Variants in STAT5B observed in about 807,000 individuals in gnomAD.
The protein encoded by STAT5B is transcription factor STAT5B.
In STAT5B, 21 loss-of-function variants were observed where a neutral mutation model predicts 107.8. That is an observed-to-expected ratio of 0.19 (90% confidence interval 0.14 to 0.28). The LOEUF is 0.28. Among genes scored for constraint, STAT5B ranks in the 10% least tolerant of loss-of-function variants. STAT5B has a pLI of 1.00. For synonymous variants in STAT5B, 325 were observed against 401.7 expected, an observed-to-expected ratio of 0.81 and a Z score of 2.28; for missense variants, 565 against 1,008.2, an observed-to-expected ratio of 0.56 and a Z score of 5.95.
intron 1 of STAT5B, among the ~76,000 whole-genome samples, chr17:42,255,256 T>C (rs2080533072): frequency 6.6e-6 from 1 of 152,212 alleles, no homozygotes; most frequent in Non-Finnish European, 1.5e-5. Flanking sequence ...TGAGAACAAT[T>C]TGTTTTATGA....
chr17:42,279,968 A>G (rs532208017), upstream of STAT5B, among the ~76,000 whole-genome samples: 110 of 152,260 alleles, frequency 7.2e-4, no homozygotes, highest in African/African-American at 2.6e-3. Context: ...TCAGCAAAAC[A>G]GAATGTTGTC....
rs1484936683 is a variant in STAT5B, at chr17:42,218,797, G to A, written c.915C>T (p.Ile305=). The change falls in exon 8 of 19, where the codon ATC becomes ATT. Residue 305 remains isoleucine, a synonymous_variant. Coordinates refer to ENST00000293328, the MANE Select transcript of STAT5B (RefSeq NM_012448.4). ...RAEHLCQQLP[I]PGPVEEMLAE... is the part of the protein sequence containing the mutation. ...CCAGCATCTCCTCCACTGGGCCGGG[G>A]ATGGGCAGCTGCTGGCAGAGGTGCT... 3 of 1,613,130 alleles carry A rather than the reference G, an allele frequency of 1.9e-6. No individual in the cohort carries two copies. The South Asian group carries it at 3.3e-5, about 18-fold the overall frequency.
chr17:42,221,851 T>C (rs1236928581), intron 5 of STAT5B, among the ~76,000 whole-genome samples: 1 of 152,130 alleles, frequency 6.6e-6, no homozygotes, highest in Non-Finnish European at 1.5e-5. Flanking sequence ...AGTATCACTA[T>C]AGACATAAAA....
At chr17:42,249,701 C>T (rs558776397) in intron 1 of STAT5B, among the ~76,000 whole-genome samples, 1 of 152,076 alleles carries the variant, frequency 6.6e-6, no homozygotes, top group East Asian at 1.9e-4. Flanking sequence ...CACCCTGTCA[C>T]CCATGCTGGA....
intron 1 of STAT5B, among the ~76,000 whole-genome samples, chr17:42,244,613 A>G (rs2080435238): frequency 6.6e-6 from 1 of 151,948 alleles, no homozygotes; most frequent in Admixed American, 6.6e-5. Context: ...AAATCCACAC[A>G]TGTTACCAAT....
intron 3 of STAT5B, among the ~76,000 whole-genome samples, chr17:42,226,856 G>A (rs894061901): frequency 6.7e-6 from 1 of 149,404 alleles, no homozygotes; most frequent in Non-Finnish European, 1.5e-5. Flanking sequence ...CGGGCATAGT[G>A]GCTCATGCCT....
chr17:42,227,713 A>G (rs753755770), intron 2 of STAT5B, 28 bp from the exon 3 acceptor site: 1 of 1,612,194 alleles, frequency 6.2e-7, no homozygotes, highest in East Asian at 2.2e-5. Flanking sequence ...CATAATCTGT[A>G]TACATACATG....
At chr17:42,248,209 A>G (rs2080468031) in intron 1 of STAT5B, among the ~76,000 whole-genome samples, 1 of 139,144 alleles carries the variant, frequency 7.2e-6, no homozygotes, top group African/African-American at 2.7e-5. Flanking sequence ...CAGGAGTTTG[A>G]GGCTGCTGTG....
Position 42,207,497 on chromosome 17 carries a change from A to G in STAT5B, c.2077+61T>C, listed in dbSNP as rs999131015. 1.7e-3 allele frequency: 2,449 copies of G among 1,467,150 alleles called. 37 individuals are homozygous for G. The African/African-American group carries it at 0.032, about 19-fold the overall frequency. The allele number at this position is 1,467,150 out of a possible 1,614,324, so 90.9% of individuals were successfully genotyped here. ...AACACACGCAGGTATGCACACACAC[A>G]CACACACACACACACACACACACAC... On this transcript the variant is annotated intron_variant, in intron 16 of 18. Coordinates refer to ENST00000293328, the MANE Select transcript of STAT5B (RefSeq NM_012448.4).
chr17:42,215,399 C>T (rs566467235), intron 12 of STAT5B, among the ~76,000 whole-genome samples: 66 of 152,240 alleles, frequency 4.3e-4, no homozygotes, highest in African/African-American at 1.6e-3. Flanking sequence ...CTAATTTAAT[C>T]TTCCTAACAA....
At chr17:42,287,285 G>A in the STAT5B span, among the ~76,000 whole-genome samples, 2 of 151,748 alleles carry the variant, frequency 1.3e-5, no homozygotes, top group South Asian at 2.1e-4. Context: ...GGAGAGAAAA[G>A]GGCAGCTCTG....
intron 16 of STAT5B, among the ~76,000 whole-genome samples, chr17:42,204,576 T>G (rs1365766024): frequency 6.6e-6 from 1 of 152,332 alleles, no homozygotes; most frequent in East Asian, 1.9e-4. Flanking sequence ...TTTTATAGAT[T>G]GGCTAAGAAG....
chr17:42,286,571 T>A, the STAT5B span, among the ~76,000 whole-genome samples: 1 of 151,992 alleles, frequency 6.6e-6, no homozygotes, highest in Admixed American at 6.6e-5. Flanking sequence ...GGAGGAGAAG[T>A]CTAGAGAGGT....
chr17:42,285,372 G>A, the STAT5B span, among the ~76,000 whole-genome samples: 5 of 152,152 alleles, frequency 3.3e-5, no homozygotes, highest in African/African-American at 1.2e-4. Flanking sequence ...GATTACAGGC[G>A]TGAGCCACTG....
At chr17:42,202,709 G>A (rs1350948686) in intron 17 of STAT5B, 48 bp downstream of exon 17, 1 of 1,612,672 alleles carries the variant, frequency 6.2e-7, no homozygotes, top group Non-Finnish European at 8.5e-7. Context: ...AGGGTCTGGG[G>A]GAGGAGGAAA....
At chr17:42,239,656 G>A (rs1039964396) in intron 1 of STAT5B, among the ~76,000 whole-genome samples, 2 of 152,100 alleles carry the variant, frequency 1.3e-5, no homozygotes, top group Non-Finnish European at 2.9e-5. Context: ...TATTATCCCC[G>A]TTATGGATGA....
chr17:42,258,120 G>A (rs186002720), intron 1 of STAT5B, among the ~76,000 whole-genome samples: 10 of 152,178 alleles, frequency 6.6e-5, no homozygotes, highest in African/African-American at 2.4e-4. Flanking sequence ...TTCCCTTTAT[G>A]GAAATCATCC....
chr17:42,249,298 CAGG>C (rs1168695818), intron 1 of STAT5B, among the ~76,000 whole-genome samples: 6 of 152,182 alleles, frequency 3.9e-5, no homozygotes, highest in South Asian at 2.1e-4. Flanking sequence ...GAGGCTGAGG[CAGG>C]AGAATTGCTT....
At chr17:42,248,748 T>C (rs534865565) in intron 1 of STAT5B, among the ~76,000 whole-genome samples, 1 of 152,354 alleles carries the variant, frequency 6.6e-6, no homozygotes, top group African/African-American at 2.4e-5. Context: ...CAGGCGGCAC[T>C]GTTACCGGAA....
Sources: allele counts gnomAD v4.1 joint callset (sites outside exome capture counted in the v4.1 genomes callset), GRCh38; gene constraint gnomAD v4.1.1; transcripts MANE v1.5; gene names NCBI Gene and HGNC (gene_info 2026-07-23, HGNC 2026-07-21).